The following LARGE1 variants were observed in gnomAD, a reference collection of about 807,000 sequenced individuals.
The protein encoded by LARGE1 is xylosyl- and glucuronyltransferase LARGE1.
Under a neutral mutation model 87.6 loss-of-function variants are expected in LARGE1, and 43 were observed. The ratio of observed to expected loss-of-function variants is 0.49; its 90% CI spans 0.38 to 0.63. The LOEUF (loss-of-function observed/expected upper bound fraction) is 0.63. LARGE1 is among the 30% of genes least tolerant of loss of function. LARGE1 has a pLI of 0.00. For synonymous variants in LARGE1, 434 were observed against 394.6 expected (o/e 1.10, Z -1.18); for missense variants, 802 against 1,000.2 (o/e 0.80, Z 2.67).
chr22:33,269,807 C>T (rs1018608166), downstream of LARGE1, among the ~76,000 whole-genome samples: 6 of 152,044 alleles, frequency 3.9e-5, no homozygotes, highest in African/African-American at 1.4e-4. Flanking sequence ...AGATCGAGAC[C>T]ATCCTGGCTA....
chr22:33,352,260 A>G (rs1471251617), intron 9 of LARGE1, among the ~76,000 whole-genome samples: 1 of 152,194 alleles, frequency 6.6e-6, no homozygotes, highest in African/African-American at 2.4e-5. Context: ...CATTTTAGAA[A>G]CTACCTGACC....
chr22:33,533,904 A>C (rs1247466097), intron 6 of LARGE1, among the ~76,000 whole-genome samples: 2 of 142,794 alleles, frequency 1.4e-5, no homozygotes, highest in South Asian at 2.2e-4. Flanking sequence ...TTTTTTTTGG[A>C]CGTTTTCCGC....
At chr22:33,814,254 T>C (rs564768258) in intron 1 of LARGE1, among the ~76,000 whole-genome samples, 5 of 152,322 alleles carry the variant, frequency 3.3e-5, no homozygotes, top group African/African-American at 9.6e-5. Flanking sequence ...CCTGAAAATC[T>C]ATCCCTAAAG....
chr22:33,678,720 T>A (rs1467788258), intron 2 of LARGE1, among the ~76,000 whole-genome samples: 1 of 152,154 alleles, frequency 6.6e-6, no homozygotes, highest in Non-Finnish European at 1.5e-5. Context: ...GTGGGTAAGA[T>A]GACACACCCT....
intron 7 of LARGE1, among the ~76,000 whole-genome samples, chr22:33,423,161 C>T (rs985507713): frequency 4.6e-5 from 7 of 151,972 alleles, no homozygotes; most frequent in Non-Finnish European, 1.0e-4. Context: ...CATGAAATGC[C>T]GAGTGCTGGT....
chr22:33,559,370 C>G (rs1297648561), intron 6 of LARGE1, among the ~76,000 whole-genome samples: 1 of 152,088 alleles, frequency 6.6e-6, no homozygotes, highest in African/African-American at 2.4e-5. Flanking sequence ...TTAGTAGAGA[C>G]GGGGTTTCGC....
chr22:33,893,739 C>T (rs1195037235), intron 1 of LARGE1, among the ~76,000 whole-genome samples: 1 of 152,200 alleles, frequency 6.6e-6, no homozygotes, highest in East Asian at 1.9e-4. Context: ...GGGTTCCCCA[C>T]TCACAAGGTG....
chr22:33,572,589 A>G (rs1262107753), intron 5 of LARGE1, among the ~76,000 whole-genome samples: 1 of 152,230 alleles, frequency 6.6e-6, no homozygotes, highest in Non-Finnish European at 1.5e-5. Context: ...TCAGGGCTCG[A>G]TATGAGTGTT....
intron 2 of LARGE1, among the ~76,000 whole-genome samples, chr22:33,734,003 G>C (rs185626533): frequency 6.6e-6 from 1 of 152,244 alleles, no homozygotes; most frequent in Non-Finnish European, 1.5e-5. Context: ...CAACAGGATT[G>C]GTTCTGAAGG....
chr22:33,325,756 G>C (rs529233431), intron 10 of LARGE1, among the ~76,000 whole-genome samples: 17 of 152,338 alleles, frequency 1.1e-4, no homozygotes, highest in Admixed American at 2.0e-4. Flanking sequence ...TGAAATCACT[G>C]ATGGGGAAAT....
intron 2 of LARGE1, among the ~76,000 whole-genome samples, chr22:33,654,590 ACT>A (rs955773815): frequency 1.1e-4 from 17 of 151,674 alleles, no homozygotes; most frequent in Admixed American, 6.6e-5. Context: ...GCTTCTCCTG[ACT>A]CTCTGGGAGC....
intron 11 of LARGE1, among the ~76,000 whole-genome samples, chr22:33,224,022 G>A (rs1295168196): frequency 3.3e-5 from 5 of 152,126 alleles, no homozygotes; most frequent in African/African-American, 1.2e-4. Context: ...GGATGGGCGC[G>A]GTGGCTCACG....
At chr22:33,696,575 C>T (rs147411092) in intron 2 of LARGE1, among the ~76,000 whole-genome samples, 1 of 152,078 alleles carries the variant, frequency 6.6e-6, no homozygotes, top group Non-Finnish European at 1.5e-5. Flanking sequence ...AATCAGCAGA[C>T]CTTTCTTTAA....
chr22:33,165,581 A>G (rs1922227238), exon 12 of LARGE1: 1 of 152,180 alleles, frequency 6.6e-6, no homozygotes, highest in Non-Finnish European at 1.5e-5. Context: ...AACCCCCAAA[A>G]TTCTGATTTA....
At chr22:33,891,439 T>TTA (rs2065002859) in intron 1 of LARGE1, among the ~76,000 whole-genome samples, 1 of 147,888 alleles carries the variant, frequency 6.8e-6, no homozygotes. Context: ...GTGCTAGCCA[T>TTA]AAAAAAAAAA....
At chr22:33,163,338 T>G (rs1165409335) in exon 12 of LARGE1, 1 of 152,226 alleles carries the variant, frequency 6.6e-6, no homozygotes, top group Non-Finnish European at 1.5e-5. Context: ...AAATGAAGTG[T>G]GGTATGCTTT....
At chr22:33,866,380 C>G (rs965150968) in intron 1 of LARGE1, among the ~76,000 whole-genome samples, 1 of 152,172 alleles carries the variant, frequency 6.6e-6, no homozygotes, top group Non-Finnish European at 1.5e-5. Flanking sequence ...TTCAGTTCCT[C>G]AGTTGCACTA....
intron 1 of LARGE1, among the ~76,000 whole-genome samples, chr22:33,839,873 T>C (rs148255826): frequency 5.4e-4 from 83 of 152,322 alleles, no homozygotes; most frequent in Middle Eastern, 6.8e-3. Context: ...ATGCCCCTCA[T>C]TGTTCCAGAG....
chr22:33,908,171 GACA>G (rs1408431048), intron 1 of LARGE1, among the ~76,000 whole-genome samples: 4 of 152,154 alleles, frequency 2.6e-5, no homozygotes, highest in East Asian at 3.9e-4. Context: ...AATCTAAAAC[GACA>G]ACAACAACCA....
Sources: gnomAD v4.1 joint callset for allele counts (sites outside exome capture counted in the v4.1 genomes callset) on GRCh38, gnomAD v4.1.1 for gene constraint, MANE v1.5 for transcripts, NCBI Gene and HGNC (gene_info 2026-07-23, HGNC 2026-07-21) for gene names.